The following DHX30 variants were observed in gnomAD, a reference collection of about 807,000 sequenced individuals.
DHX30 encodes the protein ATP-dependent RNA helicase DHX30.
In DHX30, 4 loss-of-function variants were observed where a neutral mutation model predicts 116.9. The observed-to-expected ratio is 0.03, with a 90% CI of 0.02 to 0.08. DHX30 has a LOEUF of 0.08. Ranked by LOEUF, DHX30 falls within the 10% of genes least tolerant of loss-of-function variation. DHX30 has a pLI of 1.00. For synonymous variants in DHX30, 697 were observed against 651.7 expected (o/e 1.07, Z -1.06); for missense variants, 871 against 1,595.1 (o/e 0.55, Z 7.73).
intron 6 of DHX30, among the ~76,000 whole-genome samples, chr3:47,833,059 A>G (rs1440050098): frequency 6.7e-6 from 1 of 149,432 alleles, no homozygotes; most frequent in Non-Finnish European, 1.5e-5. Flanking sequence ...TGCTGGGATT[A>G]TAGGTGTGAG....
At chr3:47,810,621 T>C in intron 2 of DHX30, 36 bp from the exon 3 acceptor site, 1 of 1,556,790 alleles carries the variant, frequency 6.4e-7, no homozygotes. Context: ...GGACCAGGAA[T>C]ATTAACCATT....
intron 9 of DHX30, 173 bp from the exon 10 acceptor site, chr3:47,845,527 T>C: frequency 2.9e-6 from 2 of 686,886 alleles, no homozygotes; most frequent in Admixed American, 3.7e-5. Context: ...TTTATTTTGG[T>C]AAGTTAACAT....
At chr3:47,812,005 A>C (rs1232080272) in intron 3 of DHX30, among the ~76,000 whole-genome samples, 3 of 144,584 alleles carry the variant, frequency 2.1e-5, no homozygotes, top group South Asian at 4.6e-4. Context: ...CAGAGGTTGC[A>C]GTGAGCCGAG....
rs887444773 is a variant in DHX30 at position 47,803,184 on chromosome 3, A to G, written c.-151A>G. The G allele has an allele frequency of 1.0e-5, 4 of 393,816 alleles. No homozygotes were observed. The highest frequency in any genetic ancestry group is 1.8e-5 in the Non-Finnish European group (4 of 222,914). The allele number at this position is 393,816 out of a possible 1,614,324, so 24.4% of individuals were successfully genotyped here. A position where few individuals can be genotyped will look rare whatever the true frequency, so the allele number is the denominator to read the frequency against. On this transcript the variant is annotated 5_prime_UTR_variant, in exon 1 of 22. Transcript: ENST00000445061. ...GAGCCGCGGCTCATGCGCGGTGCACAGAGGCTTGTTTCACATCTGTAACAA... is the reference window on the plus strand; with the variant it reads ...GAGCCGCGGCTCATGCGCGGTGCACGGAGGCTTGTTTCACATCTGTAACAA...
At chr3:47,824,211 C>A (rs2036431933) in intron 4 of DHX30, among the ~76,000 whole-genome samples, 2 of 151,992 alleles carry the variant, frequency 1.3e-5, no homozygotes, top group Non-Finnish European at 2.9e-5. Flanking sequence ...CCATGTTGGC[C>A]AGGCTGGTCT....
chr3:47,839,104 T>A (rs1475683460), intron 6 of DHX30, among the ~76,000 whole-genome samples: 1 of 151,982 alleles, frequency 6.6e-6, no homozygotes, highest in East Asian at 1.9e-4. Flanking sequence ...TGATGATGCT[T>A]AGGTGGCCAA....
chr3:47,810,852 C>G, intron 3 of DHX30, 141 bp downstream of exon 3: 1 of 831,120 alleles, frequency 1.2e-6, no homozygotes. Context: ...CTATAGCCTT[C>G]CTTTTGCATG....
intron 6 of DHX30, among the ~76,000 whole-genome samples, chr3:47,838,030 G>A (rs1477318347): frequency 6.6e-6 from 1 of 152,182 alleles, no homozygotes; most frequent in Admixed American, 6.6e-5. Flanking sequence ...GGTTGCAAAG[G>A]CAGGGGGAGA....
At chr3:47,845,070 G>A (rs1380180473) in intron 9 of DHX30, among the ~76,000 whole-genome samples, 2 of 152,094 alleles carry the variant, frequency 1.3e-5, no homozygotes, top group Non-Finnish European at 2.9e-5. Context: ...GGTGACAGTG[G>A]CCTATTGTGG....
chr3:47,808,207 C>T (rs555085189), intron 2 of DHX30, among the ~76,000 whole-genome samples: 1 of 151,270 alleles, frequency 6.6e-6, no homozygotes, highest in South Asian at 2.1e-4. Flanking sequence ...ACTGCACCCG[C>T]CTTACTTTTT....
Position 47,824,826 on chromosome 3 carries a change from T to C in DHX30, c.125-2521T>C, listed in dbSNP as rs984845579. The stretch of plus-strand genomic sequence containing the variant: ...CTGCTGGTTTAGATTTGCTGGAGAG[T>C]GAGCTCTGCAGGGTCCTAGCCCTGG... On this transcript the variant is annotated intron_variant, in intron 4 of 21. Transcript: ENST00000445061. The C allele has an allele frequency of 9.6e-6, 4 of 415,756 alleles. No individual in the cohort carries two copies. In the Admixed American group the frequency reaches 1.8e-4, roughly 19 times the overall value. 25.8% of individuals were successfully genotyped at this position (415,756 alleles called of 1,614,324 possible).
chr3:47,804,283 G>A (rs949073761), intron 1 of DHX30, among the ~76,000 whole-genome samples: 80 of 152,116 alleles, frequency 5.3e-4, no homozygotes, highest in Non-Finnish European at 2.2e-4. Flanking sequence ...GGCCGGGAGC[G>A]GTGTCTCACG....
At chr3:47,831,962 A>C (rs1576493769) in intron 6 of DHX30, among the ~76,000 whole-genome samples, 1 of 99,000 alleles carries the variant, frequency 1.0e-5, no homozygotes, top group Non-Finnish European at 2.0e-5. Flanking sequence ...CCTCTCTCCC[A>C]TCGTCTTGGC....
rs1411420326 is a variant in DHX30, at chr3:47,848,861, C to G, written c.2769+44C>G. 1 of 1,599,338 alleles carries G rather than the reference C, an allele frequency of 6.3e-7. No homozygotes were observed. The highest frequency in any genetic ancestry group is 8.6e-7 in the Non-Finnish European group (1 of 1,168,658). On this transcript the variant is annotated intron_variant, in intron 17 of 21. Coordinates refer to ENST00000445061, the MANE Select transcript of DHX30 (RefSeq NM_138615.3). This position sits in a 1 kb window ranked among gnomAD's most constrained non-coding sequence, Gnocchi z 9.4. ...CTGGAGCCGTCCACCCACTGCTGTT[C>G]TGAGGGGGCGTTGTCTAGCCCCTGC... is the stretch of plus-strand genomic sequence containing the variant.
intron 2 of DHX30, among the ~76,000 whole-genome samples, chr3:47,810,300 T>C (rs1326174807): frequency 6.6e-6 from 1 of 152,130 alleles, no homozygotes. Context: ...TTATGATAAC[T>C]AGGAAGGAAA....
At chr3:47,832,756 C>T (rs750610530) in intron 6 of DHX30, among the ~76,000 whole-genome samples, 10 of 151,984 alleles carry the variant, frequency 6.6e-5, no homozygotes, top group South Asian at 2.1e-4. Flanking sequence ...CCCACCTCAG[C>T]CTCCCAAGTA....
At chr3:47,819,134 T>G in intron 4 of DHX30, 2 of 1,024,478 alleles carry the variant, frequency 2.0e-6, no homozygotes, top group South Asian at 1.2e-5. Flanking sequence ...CCCTGACCAT[T>G]TGACTTAGGT....
At chr3:47,827,506 T>A in intron 5 of DHX30, 29 bp downstream of exon 5, 1 of 1,600,568 alleles carries the variant, frequency 6.2e-7, no homozygotes, top group Non-Finnish European at 8.5e-7. Flanking sequence ...AGGAAAAACA[T>A]TGGTATGACT....
chr3:47,842,998 T>C, intron 8 of DHX30, 108 bp from the exon 9 acceptor site: 4 of 1,396,370 alleles, frequency 2.9e-6, no homozygotes, highest in Non-Finnish European at 4.0e-6. Context: ...TGGCACCTGC[T>C]GAGATGGTGG....
Sources: allele counts gnomAD v4.1 joint callset (sites outside exome capture counted in the v4.1 genomes callset), GRCh38; gene constraint gnomAD v4.1.1; non-coding constraint Gnocchi (gnomAD v3.1); transcripts MANE v1.5; gene names NCBI Gene and HGNC (gene_info 2026-07-23, HGNC 2026-07-21).